LAMC3: variants seen among roughly 807,000 people sequenced by gnomAD.
LAMC3 encodes laminin subunit gamma-3.
In LAMC3, 128 loss-of-function variants were observed where a neutral mutation model predicts 173.8. The observed-to-expected ratio is 0.74, with a 90% CI of 0.64 to 0.85. The LOEUF (loss-of-function observed/expected upper bound fraction) is 0.85, where lower values mean the gene tolerates loss of function less well. Among genes scored for constraint, LAMC3 ranks in the 40% least tolerant of loss-of-function variants. LAMC3 has a pLI of 0.00. For synonymous variants in LAMC3, 897 were observed against 909.1 expected (o/e 0.99, Z 0.24); for missense variants, 2,022 against 2,156.0 (o/e 0.94, Z 1.23).
chr9:131,091,909 C>A lies in LAMC3; in HGVS notation c.*122C>A. The A allele has an allele frequency of 8.9e-7, 1 of 1,120,342 alleles. No homozygotes were observed. Among genetic ancestry groups the A allele is most frequent in the Non-Finnish European group, 1.2e-6 (1 of 804,332 alleles). The allele number at this position is 1,120,342 out of a possible 1,614,324, so 69.4% of individuals were successfully genotyped here. On this transcript the variant is annotated 3_prime_UTR_variant, in exon 28 of 28. Coordinates refer to ENST00000361069, the MANE Select transcript of LAMC3 (RefSeq NM_006059.4). ...CCGGAGCCGGCTGCTGTGAACTCGCCCCCGTGTGGATAGTCACTCCCTGCC... is the reference window on the plus strand; with the variant it reads ...CCGGAGCCGGCTGCTGTGAACTCGCACCCGTGTGGATAGTCACTCCCTGCC...
intron 3 of LAMC3, among the ~76,000 whole-genome samples, chr9:131,034,213 C>T (rs951766337): frequency 6.6e-6 from 1 of 152,164 alleles, no homozygotes; most frequent in Non-Finnish European, 1.5e-5. Flanking sequence ...GAGTCTCACT[C>T]TCCTTTCCTG....
At chr9:131,071,844 AT>A (rs1293909258) in intron 18 of LAMC3, among the ~76,000 whole-genome samples, 1 of 152,298 alleles carries the variant, frequency 6.6e-6, no homozygotes, top group East Asian at 1.9e-4. Flanking sequence ...GGCTGGGCTC[AT>A]TCATTTATTC....
chr9:131,009,260 C>T lies in LAMC3; in HGVS notation c.46C>T (p.Arg16Trp). ...GCTGGGGCTGGCGCTGCTGGCACCG[C>T]GGGCGGCCGGCGCGGGCATGGGCGC... is the stretch of plus-strand genomic sequence containing the variant. ...LLLGLALLAP[R>W]AAGAGMGACY... The change falls in exon 1 of 28, where the codon CGG (arginine) becomes TGG (tryptophan). Residue 16 changes from arginine to tryptophan, a missense_variant. Coordinates refer to ENST00000361069, the MANE Select transcript of LAMC3 (RefSeq NM_006059.4). The surrounding 1 kb of genome is among the most constrained non-coding windows in gnomAD (Gnocchi z 4.3). 2 of 1,299,868 alleles carry T rather than the reference C, an allele frequency of 1.5e-6. No individual in the cohort carries two copies. Among genetic ancestry groups the T allele is most frequent in the Non-Finnish European group, 1.9e-6 (2 of 1,029,196 alleles). The allele number at this position is 1,299,868 out of a possible 1,614,324, so 80.5% of individuals were successfully genotyped here.
chr9:131,077,006 T>C (rs1830139921), intron 21 of LAMC3, among the ~76,000 whole-genome samples, 181 bp from the exon 22 acceptor site: 1 of 152,234 alleles, frequency 6.6e-6, no homozygotes, highest in Admixed American at 6.5e-5. Context: ...CCCGTCTGGC[T>C]CATCTGAAAG....
In LAMC3 at chr9:131,009,810, A is replaced by G. The variant is rs1288502475; in HGVS notation, c.373+223A>G. Among the ~76,000 whole-genome samples the G allele has an allele frequency of 6.6e-6, 1 of 152,090 alleles. No individual in the cohort carries two copies. Among genetic ancestry groups the G allele is most frequent in the African/African-American group, 2.4e-5 (1 of 41,416 alleles). ...GATGGGAGGGTCGCTTGAGCCCAGG[A>G]GTTCAAGATCAGCCTGGGCAACGTA... On this transcript the variant is annotated intron_variant, in intron 1 of 27. Coordinates refer to ENST00000361069, the MANE Select transcript of LAMC3 (RefSeq NM_006059.4). The surrounding 1 kb of genome is among the most constrained non-coding windows in gnomAD (Gnocchi z 4.3).
chr9:131,048,973 C>A, intron 8 of LAMC3, 47 bp from the exon 9 acceptor site: 1 of 1,276,942 alleles, frequency 7.8e-7, no homozygotes. Context: ...GGAGACCACC[C>A]TCCGGGGCCT....
rs372147208 is a variant in LAMC3 at position 131,079,146 on chromosome 9, C to A, written c.3778-3C>A. ...CCTGCCTGAGCGCATTGTCTCCCTG[C>A]AGCCTCAGAAGTCCCGGGCTGAAGA... On this transcript the variant is annotated splice_region_variant and splice_polypyrimidine_tract_variant and intron_variant, in intron 22 of 27. Transcript: ENST00000361069. The A allele has an allele frequency of 1.9e-6, 3 of 1,612,760 alleles. No individual in the cohort carries two copies. Among genetic ancestry groups the A allele is most frequent in the African/African-American group, 1.3e-5 (1 of 74,926 alleles).
chr9:131,088,052 C>G (rs1232809271), intron 27 of LAMC3, among the ~76,000 whole-genome samples: 1 of 152,196 alleles, frequency 6.6e-6, no homozygotes, highest in Non-Finnish European at 1.5e-5. Flanking sequence ...GTTTGTGCCT[C>G]CAGGGCCCTC....
chr9:131,071,027 G>A (rs1830028029), intron 17 of LAMC3, among the ~76,000 whole-genome samples: 1 of 152,208 alleles, frequency 6.6e-6, no homozygotes, highest in Non-Finnish European at 1.5e-5. Context: ...GGACATGGCA[G>A]GCATTTGTGC....
intron 6 of LAMC3, among the ~76,000 whole-genome samples, chr9:131,039,721 T>C (rs1476741513): frequency 4.0e-5 from 6 of 151,246 alleles, no homozygotes; most frequent in Non-Finnish European, 8.8e-5. Context: ...GAGGAGCTAA[T>C]AGGACATGGT....
rs1449802880 is a variant in LAMC3 at position 131,085,727 on chromosome 9, A to G, written c.4230+4A>G. The G allele has an allele frequency of 6.2e-7, 1 of 1,614,058 alleles. No individual in the cohort carries two copies. The highest frequency in any genetic ancestry group is 8.5e-7 in the Non-Finnish European group (1 of 1,179,942). ...GTTGGCCAAGGACAGTGCCAAGGTC[A>G]GGGTGGTGGCTGTGACAACAGTGGC... On this transcript the variant is annotated splice_donor_region_variant and intron_variant, in intron 25 of 27. Coordinates refer to ENST00000361069, the MANE Select transcript of LAMC3 (RefSeq NM_006059.4).
chr9:131,014,690 T>C (rs988681926), intron 1 of LAMC3, among the ~76,000 whole-genome samples: 3 of 152,152 alleles, frequency 2.0e-5, no homozygotes, highest in Non-Finnish European at 4.4e-5. Flanking sequence ...TCAAATTTCA[T>C]TGAGGCTGGG....
intron 7 of LAMC3, among the ~76,000 whole-genome samples, chr9:131,044,562 G>A (rs1834114890): frequency 6.6e-6 from 1 of 152,178 alleles, no homozygotes; most frequent in African/African-American, 2.4e-5. Flanking sequence ...TCAGTGACTT[G>A]CTTCTAATGA....
intron 13 of LAMC3, among the ~76,000 whole-genome samples, chr9:131,061,675 C>CA (rs1829827466): frequency 6.6e-6 from 1 of 152,198 alleles, no homozygotes; most frequent in Non-Finnish European, 1.5e-5. Context: ...GCTCTGGACT[C>CA]AGACATCCTC....
rs1345237398 is a variant in LAMC3 at position 131,052,883 on chromosome 9, A to G, written c.1857A>G (p.Pro619=). 6.2e-7 allele frequency: 1 copy of G among 1,600,470 alleles called. No individual in the cohort carries two copies. The highest frequency in any genetic ancestry group is 1.7e-5 in the Admixed American group (1 of 58,296). The change falls in exon 11 of 28, where the codon CCA becomes CCG. Residue 619 remains proline, a synonymous_variant. Transcript: ENST00000361069. ...AGACCTCCGAGGACGTGGCCCCTCCACTGCCCCCCTTCCACTTCCAGCGGC... is the reference window on the plus strand; with the variant it reads ...AGACCTCCGAGGACGTGGCCCCTCCGCTGCCCCCCTTCCACTTCCAGCGGC... ...LQETSEDVAP[P]LPPFHFQRLL... is the part of the protein sequence containing the mutation.
At chr9:131,041,206 A>C (rs978347979) in intron 6 of LAMC3, among the ~76,000 whole-genome samples, 4 of 152,012 alleles carry the variant, frequency 2.6e-5, no homozygotes, top group Admixed American at 6.6e-5. Flanking sequence ...GTCTCTACTA[A>C]AAATACAAAA....
intron 14 of LAMC3, among the ~76,000 whole-genome samples, chr9:131,067,532 C>G (rs1167685852): frequency 1.3e-5 from 2 of 152,160 alleles, no homozygotes; most frequent in Non-Finnish European, 2.9e-5. Flanking sequence ...CATGGCCATG[C>G]CTCCCCTCAT....
intron 7 of LAMC3, among the ~76,000 whole-genome samples, chr9:131,042,863 C>A (rs1339373639): frequency 6.8e-6 from 1 of 147,220 alleles, no homozygotes; most frequent in African/African-American, 2.5e-5. Context: ...ACTAAGGGAG[C>A]ACTATCACAA....
intron 20 of LAMC3, among the ~76,000 whole-genome samples, chr9:131,074,065 G>T (rs1830082788): frequency 6.7e-6 from 1 of 148,630 alleles, no homozygotes; most frequent in African/African-American, 2.5e-5. Context: ...TCCTGCCTCA[G>T]CCTCCCAAGT....
Sources: allele counts gnomAD v4.1 joint callset (sites outside exome capture counted in the v4.1 genomes callset), GRCh38; gene constraint gnomAD v4.1.1; non-coding constraint Gnocchi (gnomAD v3.1); transcripts MANE v1.5; gene names NCBI Gene and HGNC (gene_info 2026-07-23, HGNC 2026-07-21).